The following B4GALNT3 variants were observed in gnomAD, a reference collection of about 807,000 sequenced individuals.
B4GALNT3 encodes the protein beta-1,4-N-acetylgalactosaminyltransferase 3.
Under a neutral mutation model 120.2 loss-of-function variants are expected in B4GALNT3, and 86 were observed. The ratio of observed to expected loss-of-function variants is 0.72; its 90% CI spans 0.60 to 0.86. B4GALNT3 has a LOEUF of 0.86. B4GALNT3 is among the 40% of genes least tolerant of loss of function. The pLI is 0.00. For missense variants in B4GALNT3, 1,167 were observed against 1,298.9 expected (o/e 0.90, Z 1.56); for synonymous variants, 518 against 510.4 (o/e 1.01, Z -0.20).
At chr12:561,283 A>C in intron 19 of B4GALNT3, 60 bp from the exon 20 acceptor site, 5 of 1,320,048 alleles carry the variant, frequency 3.8e-6, no homozygotes, top group Non-Finnish European at 5.4e-6. Flanking sequence ...GTCGATGGGG[A>C]GGGGCCCCCC....
At chr12:477,485 A>G (rs1359670389) in intron 1 of B4GALNT3, among the ~76,000 whole-genome samples, 1 of 152,190 alleles carries the variant, frequency 6.6e-6, no homozygotes, top group African/African-American at 2.4e-5. Context: ...TTGATGTTGA[A>G]TTGAATTTTC....
At position 541,786 on chromosome 12, in the gene B4GALNT3, A is replaced by G. The variant is rs112851460; in HGVS notation, c.352-2553A>G. On this transcript the variant is annotated intron_variant, in intron 3 of 19. Transcript: ENST00000266383. The stretch of plus-strand genomic sequence containing the variant: ...AGAAAGGCCCTGAGGGTGAGGCAGG[A>G]GTGGCCAGCCAGTGCCTCCCTCGGC... Among the ~76,000 whole-genome samples, 1,103 of 149,892 alleles carry G rather than the reference A, an allele frequency of 7.4e-3. 13 individuals carry two copies. The highest frequency in any genetic ancestry group is 0.026 in the African/African-American group (1,048 of 40,704).
At chr12:531,640 T>C (rs1002206332) in intron 1 of B4GALNT3, among the ~76,000 whole-genome samples, 2 of 151,736 alleles carry the variant, frequency 1.3e-5, no homozygotes, top group African/African-American at 4.8e-5. Flanking sequence ...ATCCTGTCTC[T>C]TAAAAAAAGA....
intron 1 of B4GALNT3, among the ~76,000 whole-genome samples, chr12:504,279 TA>T (rs138151181): frequency 0.37 from 29,802 of 79,660 alleles, 3,505 homozygotes; most frequent in Admixed American, 0.49. Context: ...ACCCTGTCTA[TA>T]AAAAAAAAAC....
intron 1 of B4GALNT3, among the ~76,000 whole-genome samples, chr12:484,965 C>T (rs1709138491): frequency 6.6e-6 from 1 of 152,202 alleles, no homozygotes; most frequent in Non-Finnish European, 1.5e-5. Context: ...GAAGTGTGAA[C>T]GCTGTCCAAC....
At position 553,531 on chromosome 12, in the gene B4GALNT3, C is replaced by T. The variant is rs1020010761; in HGVS notation, c.1608C>T (p.His536=). 10 of 1,613,976 alleles carry T rather than the reference C, an allele frequency of 6.2e-6. No individual in the cohort carries two copies. The Admixed American group carries it at 1.0e-4, about 16-fold the overall frequency. ...SPHSDKWPPG[H]PVKNLPQMRG... ...ATTCCGACAAGTGGCCTCCTGGGCA[C>T]CCTGTGAAGAACCTGCCTCAGATGA... Residue 536 remains histidine (H), a synonymous_variant, in exon 14 of 20, where the codon CAC becomes CAT. Transcript: ENST00000266383.
chr12:507,621 G>A (rs1035558554), intron 1 of B4GALNT3, among the ~76,000 whole-genome samples: 2 of 152,220 alleles, frequency 1.3e-5, no homozygotes, highest in South Asian at 2.1e-4. Flanking sequence ...TACGCCCTGC[G>A]AGTGGCTCTG....
intron 1 of B4GALNT3, among the ~76,000 whole-genome samples, chr12:471,190 C>T (rs572508115): frequency 1.4e-5 from 2 of 147,128 alleles, no homozygotes; most frequent in East Asian, 4.2e-4. Flanking sequence ...AGTTTGAGAT[C>T]AGCCAGGCCA....
chr12:504,997 C>T (rs945300181), intron 1 of B4GALNT3, among the ~76,000 whole-genome samples: 1 of 151,744 alleles, frequency 6.6e-6, no homozygotes, highest in Admixed American at 6.6e-5. Context: ...TTCAAGCGAT[C>T]CTCCTGCCTC....
At chr12:558,894 G>A (rs978389320) in intron 18 of B4GALNT3, among the ~76,000 whole-genome samples, 5 of 151,592 alleles carry the variant, frequency 3.3e-5, no homozygotes, top group Admixed American at 6.6e-5. Flanking sequence ...TCTTCTCCTT[G>A]ATTCATTCAT....
chr12:466,539 A>T (rs959891354), intron 1 of B4GALNT3, among the ~76,000 whole-genome samples: 1 of 152,206 alleles, frequency 6.6e-6, no homozygotes, highest in Admixed American at 6.5e-5. Flanking sequence ...TAATTAATAG[A>T]TTTATATGTT....
chr12:482,163 G>A (rs890195237), intron 1 of B4GALNT3, among the ~76,000 whole-genome samples: 3 of 152,330 alleles, frequency 2.0e-5, no homozygotes, highest in African/African-American at 7.2e-5. Flanking sequence ...GAGGTTTGTG[G>A]TTGGATGTTG....
intron 3 of B4GALNT3, among the ~76,000 whole-genome samples, chr12:541,130 G>A (rs1390256027): frequency 6.6e-6 from 1 of 152,248 alleles, no homozygotes; most frequent in Non-Finnish European, 1.5e-5. Context: ...TCCGTGTGGG[G>A]GAGAAGCTGA....
At chr12:493,082 A>G (rs950728749) in intron 1 of B4GALNT3, among the ~76,000 whole-genome samples, 3 of 152,222 alleles carry the variant, frequency 2.0e-5, no homozygotes, top group African/African-American at 7.2e-5. Context: ...ATGAGAAACA[A>G]TTGATAAGCT....
chr12:551,072 AG>A (rs554743820), intron 11 of B4GALNT3, 41 bp downstream of exon 11: 2 of 1,496,176 alleles, frequency 1.3e-6, no homozygotes, highest in Non-Finnish European at 1.9e-6. Flanking sequence ...GGGCTGGCAG[AG>A]GGATTGCTGC....
chr12:557,628 G>T lies in B4GALNT3; in HGVS notation c.2401G>T (p.Val801Leu), dbSNP rs750066028. ...GGTAGTGAAGAACCAGGCACGCTGG[G>T]TACAGCAATTCATCAAAGACATGGA... Reference protein sequence around the residue: ...VVPVKNQARWVQQFIKDMENL... With the variant: ...VVPVKNQARWLQQFIKDMENL... The change falls in exon 16 of 20, where the codon GTA becomes TTA. Residue 801 changes from valine to leucine, a missense_variant. By Grantham distance (32) the Val-to-Leu change is conservative (BLOSUM62 1). This residue lies in a region of B4GALNT3 where 983 missense variants were observed against 1,102.5 expected (regional missense o/e 0.89). Transcript: ENST00000266383. The T allele has an allele frequency of 5.0e-6, 8 of 1,611,342 alleles. No individual in the cohort carries two copies. Among genetic ancestry groups the T allele is most frequent in the Non-Finnish European group, 4.2e-6 (5 of 1,179,166 alleles).
intron 1 of B4GALNT3, among the ~76,000 whole-genome samples, chr12:467,017 G>A (rs61916613): frequency 6.6e-6 from 1 of 151,966 alleles, no homozygotes; most frequent in African/African-American, 2.4e-5. Flanking sequence ...ACTACCATCA[G>A]CATAGATTAG....
intron 1 of B4GALNT3, among the ~76,000 whole-genome samples, chr12:511,570 C>T (rs1451063879): frequency 3.4e-5 from 5 of 146,244 alleles, no homozygotes; most frequent in African/African-American, 1.3e-4. Context: ...CTTCCGCCTT[C>T]GACCTTCTTC....
intron 1 of B4GALNT3, among the ~76,000 whole-genome samples, chr12:515,655 C>T (rs887209970): frequency 3.9e-5 from 6 of 152,116 alleles, no homozygotes; most frequent in Non-Finnish European, 7.3e-5. Flanking sequence ...ATCCTCATAA[C>T]CCCGTTTGGG....
Sources: allele counts gnomAD v4.1 joint callset (sites outside exome capture counted in the v4.1 genomes callset), GRCh38; gene constraint gnomAD v4.1.1; regional missense constraint gnomAD v4.1.1; transcripts MANE v1.5; gene names NCBI Gene and HGNC (gene_info 2026-07-23, HGNC 2026-07-21).